Variants in STK40 observed in about 807,000 individuals in gnomAD.
STK40 encodes serine/threonine kinase 40.
Under a neutral mutation model 47.9 loss-of-function variants are expected in STK40, and 13 were observed. That is an observed-to-expected ratio of 0.27 (90% CI 0.18 to 0.43). STK40 has a LOEUF of 0.43. Among genes scored for constraint, STK40 ranks in the 20% least tolerant of loss-of-function variants. The probability of loss-of-function intolerance (pLI) is 1.00; values close to 1 mark genes in which losing one functional copy is unlikely to be tolerated. For synonymous variants in STK40, 225 were observed against 243.2 expected (o/e 0.93, Z 0.69); for missense variants, 460 against 595.1 (o/e 0.77, Z 2.36).
rs1040807114 is a variant in STK40 at position 36,341,689 on chromosome 1, G to T, written c.*66C>A. On this transcript the variant is annotated 3_prime_UTR_variant, in exon 11 of 11. Transcript: ENST00000373132. ...GTCCAGCACTACAGGGCCCAGCCCT[G>T]ACAGCCACGCCTTTGGCTGGGGCTG... 1.3e-6 allele frequency: 2 copies of T among 1,578,406 alleles called. No individual in the cohort carries two copies. Among genetic ancestry groups the T allele is most frequent in the South Asian group, 1.1e-5 (1 of 87,828 alleles).
chr1:36,368,433 G>C (rs992378812), intron 1 of STK40, among the ~76,000 whole-genome samples: 2 of 152,128 alleles, frequency 1.3e-5, no homozygotes, highest in Non-Finnish European at 1.5e-5. Flanking sequence ...AAAATGTTTT[G>C]TAGAGAGGAG....
rs1179776210 is a variant in STK40 at position 36,343,946 on chromosome 1, G to A, written c.918C>T (p.Leu306=). The A allele has an allele frequency of 6.2e-7, 1 of 1,607,584 alleles. No homozygotes were observed. The highest frequency in any genetic ancestry group is 8.5e-7 in the Non-Finnish European group (1 of 1,175,444). ...DGRVSENTVC[L]IRKLLVLDPQ... Reference sequence around the variant, plus strand: ...GGTCAAGGACCAGCAGCTTCCGGATGAGACACACGGTGTTCTCAGAAACCC... The same window carrying A: ...GGTCAAGGACCAGCAGCTTCCGGATAAGACACACGGTGTTCTCAGAAACCC... Residue 306 remains leucine (L), a synonymous_variant, in exon 9 of 11, where the codon CTC becomes CTT. Coordinates refer to ENST00000373132, the MANE Select transcript of STK40 (RefSeq NM_001282547.2).
At chr1:36,342,197 G>A (rs138431120) in intron 10 of STK40, 199 of 571,732 alleles carry the variant, frequency 3.5e-4, no homozygotes, top group Admixed American at 7.9e-4. Flanking sequence ...CTGCGGACCC[G>A]GGACTGACGC....
At chr1:36,373,514 T>A (rs1467478594) in intron 1 of STK40, among the ~76,000 whole-genome samples, 1 of 152,188 alleles carries the variant, frequency 6.6e-6, no homozygotes, top group East Asian at 1.9e-4. Context: ...GAAGAAGGCA[T>A]GCACCCTCTC....
At chr1:36,342,800 G>T in intron 10 of STK40, 1 of 237,150 alleles carries the variant, frequency 4.2e-6, no homozygotes, top group Non-Finnish European at 8.3e-6. Flanking sequence ...TCACTGTGGA[G>T]CTCCAAGGTG....
Position 36,361,290 on chromosome 1 carries a change from CCGA to C in STK40, c.40_42del (p.Ser14del). ...CCACTTCCTAGAGCCTTGGCCCTGG[CCGA>C]CGTTTCCCCAGCTCCTCTGTCTGAT... On this transcript the variant is annotated inframe_deletion, in exon 2 of 11. Transcript: ENST00000373132. 1 of 1,614,260 alleles carries C rather than the reference CCGA, an allele frequency of 6.2e-7. No homozygotes were observed.
chr1:36,377,105 G>A (rs1424345552), intron 1 of STK40, among the ~76,000 whole-genome samples: 1 of 152,068 alleles, frequency 6.6e-6, no homozygotes, highest in Admixed American at 6.6e-5. Flanking sequence ...CCAGTCAATA[G>A]AACTAAGGGC....
At chr1:36,345,748 G>A (rs1646693659) in intron 7 of STK40, among the ~76,000 whole-genome samples, 1 of 151,808 alleles carries the variant, frequency 6.6e-6, no homozygotes, top group Non-Finnish European at 1.5e-5. Context: ...TGTCCTGCTG[G>A]CTTAGGCAGG....
At position 36,380,330 on chromosome 1, in the gene STK40, C is replaced by T. The variant is rs531107842; in HGVS notation, c.-9+5393G>A. ...ATTCCAAAGGGCCTGTTTGAAGGCC[C>T]GCCCACCAGCACACCCCTCACTATA... On this transcript the variant is annotated intron_variant, in intron 1 of 10. Transcript: ENST00000373132. Among the ~76,000 whole-genome samples, 390 of 152,282 alleles carry T rather than the reference C, an allele frequency of 2.6e-3. 1 individual carries two copies. Among genetic ancestry groups the T allele is most frequent in the Non-Finnish European group, 4.0e-3 (273 of 68,024 alleles).
chr1:36,345,991 A>ATATATATTTT, intron 7 of STK40, among the ~76,000 whole-genome samples: 6 of 26,462 alleles, frequency 2.3e-4, no homozygotes, highest in South Asian at 3.1e-3. Context: ...ATATATATAT[A>ATATATATTTT]TTTTTTTTTT....
At chr1:36,374,481 C>T (rs1342857070) in intron 1 of STK40, among the ~76,000 whole-genome samples, 1 of 152,206 alleles carries the variant, frequency 6.6e-6, no homozygotes, top group Non-Finnish European at 1.5e-5. Context: ...AGGGCTTCAC[C>T]AGCAGTCACA....
At position 36,354,368 on chromosome 1, in the gene STK40, T is replaced by C. The variant is rs146849077; in HGVS notation, c.619A>G (p.Lys207Glu). ...DLKLGNMVLN[K>E]RTHRITITNF... is the part of the protein sequence containing the mutation. Reference sequence around the variant, plus strand: ...ATGTAGAGACAGGGATCTTACCTCTTGTTGAGCACCATGTTCCCCAGCTTC... The same window carrying C: ...ATGTAGAGACAGGGATCTTACCTCTCGTTGAGCACCATGTTCCCCAGCTTC... The change falls in exon 6 of 11, where the codon AAG (lysine) becomes GAG (glutamate). Residue 207 changes from lysine to glutamate, a missense_variant. By Grantham distance (56) the Lys-to-Glu change is moderately conservative (BLOSUM62 1). Around this residue, in one of 3 missense-constraint regions of STK40, gnomAD observed 277 missense variants for 358.7 expected, o/e 0.77. Coordinates refer to ENST00000373132, the MANE Select transcript of STK40 (RefSeq NM_001282547.2). The C allele has an allele frequency of 6.2e-7, 1 of 1,613,892 alleles. No individual in the cohort carries two copies. Among genetic ancestry groups the C allele is most frequent in the Non-Finnish European group, 8.5e-7 (1 of 1,179,944 alleles).
intron 5 of STK40, 67 bp downstream of exon 5, chr1:36,355,139 T>C (rs1646791035): frequency 2.6e-6 from 4 of 1,529,806 alleles, no homozygotes; most frequent in Admixed American, 3.4e-5. Context: ...AGCTGCCTTC[T>C]GCTCAGCAGC....
At chr1:36,378,328 CTGTG>C (rs989829971) in intron 1 of STK40, among the ~76,000 whole-genome samples, 2 of 152,168 alleles carry the variant, frequency 1.3e-5, no homozygotes, top group African/African-American at 2.4e-5. Context: ...CCCTTACTGG[CTGTG>C]TAATAGTAGA....
chr1:36,371,965 C>T (rs1012928157), intron 1 of STK40, among the ~76,000 whole-genome samples: 1 of 152,006 alleles, frequency 6.6e-6, no homozygotes, highest in Non-Finnish European at 1.5e-5. Flanking sequence ...CCACTGCACT[C>T]CAGCCTGGGT....
At position 36,341,658 on chromosome 1, in the gene STK40, G is replaced by C. The variant is rs1646648516; in HGVS notation, c.*97C>G. On this transcript the variant is annotated 3_prime_UTR_variant, in exon 11 of 11. Coordinates refer to ENST00000373132, the MANE Select transcript of STK40 (RefSeq NM_001282547.2). ...CCCTGCCCTGTCCCTATTGTGGCCC[G>C]GGAGAGTCCAGCACTACAGGGCCCA... 6.9e-7 allele frequency: 1 copy of C among 1,457,048 alleles called. No homozygotes were observed. The highest frequency in any genetic ancestry group is 1.4e-5 in the African/African-American group (1 of 72,064). 90.3% of individuals were successfully genotyped at this position (1,457,048 alleles called of 1,614,324 possible).
intron 4 of STK40, among the ~76,000 whole-genome samples, 183 bp from the exon 5 acceptor site, chr1:36,355,616 T>C (rs928209854): frequency 2.0e-5 from 3 of 152,188 alleles, no homozygotes; most frequent in African/African-American, 4.8e-5. Flanking sequence ...GTCAGCACTG[T>C]GCAGCCTCTT....
chr1:36,370,721 A>G (rs548313396), intron 1 of STK40, among the ~76,000 whole-genome samples: 1 of 152,280 alleles, frequency 6.6e-6, no homozygotes, highest in South Asian at 2.1e-4. Context: ...ACATGGCTTT[A>G]TAGTTTACAA....
intron 1 of STK40, among the ~76,000 whole-genome samples, chr1:36,384,775 A>AT (rs1168644581): frequency 6.6e-6 from 1 of 152,238 alleles, no homozygotes; most frequent in Non-Finnish European, 1.5e-5. Context: ...AGGAAGCACT[A>AT]AAGGAGCTCA....
Sources: gnomAD v4.1 joint callset for allele counts (sites outside exome capture counted in the v4.1 genomes callset) on GRCh38, gnomAD v4.1.1 for gene constraint, gnomAD v4.1.1 regional missense constraint, MANE v1.5 for transcripts, NCBI Gene and HGNC (gene_info 2026-07-23, HGNC 2026-07-21) for gene names.